The following ACER2 variants were observed in gnomAD, a reference collection of about 807,000 sequenced individuals.
ACER2 encodes alkCDase 2.
ACER2 carries 26 observed loss-of-function variants against 34.7 expected under a neutral mutation model. The ratio of observed to expected loss-of-function variants is 0.75; its 90% CI spans 0.55 to 1.04. The LOEUF (loss-of-function observed/expected upper bound fraction) is 1.04. ACER2 is among the 50% of genes least tolerant of loss of function. The pLI is 0.00. For synonymous variants in ACER2, 138 were observed against 132.1 expected (o/e 1.04, Z -0.31); for missense variants, 352 against 340.8 (o/e 1.03, Z -0.26).
intron 3 of ACER2, 60 bp downstream of exon 3, chr9:19,424,901 G>C: frequency 6.3e-7 from 1 of 1,587,422 alleles, no homozygotes. Flanking sequence ...ATATAACAAT[G>C]TATATATGAA....
chr9:19,435,552 C>G (rs1180375793), intron 4 of ACER2, among the ~76,000 whole-genome samples: 1 of 152,206 alleles, frequency 6.6e-6, no homozygotes, highest in Non-Finnish European at 1.5e-5. Context: ...AAAGGTTTTG[C>G]TCTTTGCATT....
chr9:19,409,135 G>A lies in ACER2; in HGVS notation c.51G>A (p.Val17=). Residue 17 remains valine (V), a synonymous_variant, in exon 1 of 6, where the codon GTG becomes GTA. Coordinates refer to ENST00000340967, the MANE Select transcript of ACER2 (RefSeq NM_001010887.3). ...AGCTGCAGGCTGGTAGCTCGGAGGT[G>A]GACTGGTGCGAGGACAACTACACCA... is the stretch of plus-strand genomic sequence containing the variant. ...WDQLQAGSSE[V]DWCEDNYTIV... is the part of the protein sequence containing the mutation. The A allele has an allele frequency of 6.2e-7, 1 of 1,607,024 alleles. No individual in the cohort carries two copies. The highest frequency in any genetic ancestry group is 8.5e-7 in the Non-Finnish European group (1 of 1,177,334).
At chr9:19,438,166 T>A (rs1831032608) in intron 4 of ACER2, among the ~76,000 whole-genome samples, 1 of 152,244 alleles carries the variant, frequency 6.6e-6, no homozygotes, top group African/African-American at 2.4e-5. Flanking sequence ...GGCATTTACT[T>A]CACTTACTTA....
chr9:19,434,951 A>C lies in ACER2; in HGVS notation c.370A>C (p.Arg124=). Residue 124 remains arginine (R), a synonymous_variant, in exon 4 of 6, where the codon AGG becomes CGG. Coordinates refer to ENST00000340967, the MANE Select transcript of ACER2 (RefSeq NM_001010887.3). ...GTTTTGCTTTCATGGATTCAGGGGT[A>C]GGTTCAAGGTGGTGGTCAGTGTCCT... ...LPKIFRNDRG[R]FKVVVSVLSA... The C allele has an allele frequency of 6.2e-7, 1 of 1,613,504 alleles. No homozygotes were observed. Among genetic ancestry groups the C allele is most frequent in the Non-Finnish European group, 8.5e-7 (1 of 1,179,998 alleles).
chr9:19,431,167 T>G (rs1468195789), intron 3 of ACER2, among the ~76,000 whole-genome samples: 1 of 152,176 alleles, frequency 6.6e-6, no homozygotes, highest in Non-Finnish European at 1.5e-5. Flanking sequence ...TTTAAAATGA[T>G]GGTAAGGATA....
In ACER2 at chr9:19,409,210, G is replaced by A. The variant is rs769668275; in HGVS notation, c.108+18G>A. 32 of 1,563,818 alleles carry A rather than the reference G, an allele frequency of 2.0e-5. No homozygotes were observed. Among genetic ancestry groups the A allele is most frequent in the Non-Finnish European group, 2.6e-5 (30 of 1,154,090 alleles). On this transcript the variant is annotated intron_variant, in intron 1 of 5. Transcript: ENST00000340967. ...ACAACACGGTGCGGGGCGCGGGAGCGGGGAAGGCAGGCGGGCCAGCGGGAG... is the reference window on the plus strand; with the variant it reads ...ACAACACGGTGCGGGGCGCGGGAGCAGGGAAGGCAGGCGGGCCAGCGGGAG...
At chr9:19,426,296 GTCTTTCTTTCTCTT>G (rs1030274858) in intron 3 of ACER2, among the ~76,000 whole-genome samples, 2 of 135,320 alleles carry the variant, frequency 1.5e-5, no homozygotes, top group Non-Finnish European at 3.2e-5. Flanking sequence ...TTCTTTTTCT[GTCTTTCTTTCTCTT>G]TCTTTCTTTC....
intron 3 of ACER2, among the ~76,000 whole-genome samples, chr9:19,433,924 G>C (rs1830850152): frequency 6.6e-6 from 1 of 151,170 alleles, no homozygotes; most frequent in African/African-American, 2.4e-5. Context: ...ACCTCCTCCA[G>C]GACGGGGCGG....
intron 1 of ACER2, among the ~76,000 whole-genome samples, chr9:19,412,730 G>A (rs575977377): frequency 6.7e-6 from 1 of 150,178 alleles, no homozygotes. Context: ...AGATGGTACT[G>A]TGTAAACTCT....
intron 1 of ACER2, among the ~76,000 whole-genome samples, chr9:19,423,455 C>A (rs747697484): frequency 6.6e-6 from 1 of 152,092 alleles, no homozygotes; most frequent in Non-Finnish European, 1.5e-5. Context: ...AATCCCAGCA[C>A]GTTGGGAGGC....
At chr9:19,442,159 G>C (rs1043143779) in intron 4 of ACER2, among the ~76,000 whole-genome samples, 4 of 152,108 alleles carry the variant, frequency 2.6e-5, no homozygotes, top group Non-Finnish European at 5.9e-5. Flanking sequence ...ACATTGCCGA[G>C]TAACTCAGAT....
At chr9:19,440,398 T>C (rs754438433) in intron 4 of ACER2, among the ~76,000 whole-genome samples, 1 of 152,172 alleles carries the variant, frequency 6.6e-6, no homozygotes, top group Non-Finnish European at 1.5e-5. Flanking sequence ...GTGATGATAT[T>C]AGGAGGTGGG....
In ACER2 at chr9:19,418,001, C is replaced by G. The variant is rs187967707; in HGVS notation, c.109-5861C>G. On this transcript the variant is annotated intron_variant, in intron 1 of 5. Transcript: ENST00000340967. The stretch of plus-strand genomic sequence containing the variant: ...TCTACAAGGAACTTAAACAAATTTA[C>G]AAGAAAAAAAACAACCCCATCAAAA... Among the ~76,000 whole-genome samples, 207 of 151,994 alleles carry G rather than the reference C, an allele frequency of 1.4e-3. 3 individuals carry two copies. Among genetic ancestry groups the G allele is most frequent in the Middle Eastern group, 6.8e-3 (2 of 294 alleles).
rs1831580760 is a variant in ACER2 at position 19,451,850 on chromosome 9, C to T, written c.*1214C>T. 6.6e-6 allele frequency: 1 copy of T among 152,166 alleles called. No homozygotes were observed. The highest frequency in any genetic ancestry group is 1.5e-5 in the Non-Finnish European group (1 of 68,030). The allele number at this position is 152,166 out of a possible 1,614,324, so 9.4% of individuals were successfully genotyped here. ...TTCTGGAAATTACCTTCAAGAGTCT[C>T]ACTTCTTGTTTCTGTTGTGTTTTCT... On this transcript the variant is annotated 3_prime_UTR_variant, in exon 6 of 6. Transcript: ENST00000340967.
At chr9:19,419,823 CATA>C (rs1208262448) in intron 1 of ACER2, among the ~76,000 whole-genome samples, 1 of 152,152 alleles carries the variant, frequency 6.6e-6, no homozygotes, top group East Asian at 1.9e-4. Context: ...CCCCTTTCTC[CATA>C]ATGATACAGC....
chr9:19,413,644 A>G (rs1330445218), intron 1 of ACER2, among the ~76,000 whole-genome samples: 1 of 151,108 alleles, frequency 6.6e-6, no homozygotes, highest in African/African-American at 2.4e-5. Context: ...CCCCAGTCAC[A>G]TAGACCTAGC....
At chr9:19,446,753 T>G (rs1349410129) in intron 5 of ACER2, 2 of 606,196 alleles carry the variant, frequency 3.3e-6, no homozygotes, top group Non-Finnish European at 4.1e-6. Context: ...AGGGGAGAGG[T>G]AGGGGAAAGC....
intron 1 of ACER2, chr9:19,409,905 T>G: frequency 1.0e-6 from 1 of 985,406 alleles, no homozygotes; most frequent in Non-Finnish European, 1.2e-6. Flanking sequence ...GGTCCCTAGA[T>G]AAGGGTGAGC....
Position 19,447,388 on chromosome 9 carries a change from G to C in ACER2, c.641+970G>C, listed in dbSNP as rs78077805. ...GTGAACTTTGATATATTTGCTATGA[G>C]ACCCACCCTACTCTAAATTTAAGAC... On this transcript the variant is annotated intron_variant, in intron 5 of 5. Transcript: ENST00000340967. 7.2e-3 allele frequency among the ~76,000 whole-genome samples: 1,096 copies of C among 152,246 alleles called. 13 individuals carry two copies. Among genetic ancestry groups the C allele is most frequent in the African/African-American group, 0.025 (1,030 of 41,528 alleles).
Sources: allele counts gnomAD v4.1 joint callset (sites outside exome capture counted in the v4.1 genomes callset), GRCh38; gene constraint gnomAD v4.1.1; transcripts MANE v1.5; gene names NCBI Gene and HGNC (gene_info 2026-07-23, HGNC 2026-07-21).